The following PLCG2 variants were observed in gnomAD, a reference collection of about 807,000 sequenced individuals.
The protein encoded by PLCG2 is phospholipase C gamma 2, also known as 1-phosphatidylinositol 4,5-bisphosphate phosphodiesterase gamma-2.
PLCG2 carries 69 observed loss-of-function variants against 175.6 expected under a neutral mutation model. The ratio of observed to expected loss-of-function variants is 0.39; its 90% CI spans 0.32 to 0.48. PLCG2 has a LOEUF of 0.48. Among genes scored for constraint, PLCG2 ranks in the 20% least tolerant of loss-of-function variants. The probability of loss-of-function intolerance (pLI) is 0.91; values close to 1 mark genes in which losing one functional copy is unlikely to be tolerated. For synonymous variants in PLCG2, 827 were observed against 624.0 expected, an observed-to-expected ratio of 1.33 and a Z score of -4.85; for missense variants, 1,798 against 1,650.9, an observed-to-expected ratio of 1.09 and a Z score of -1.54.
rs149962119 is a variant in PLCG2 at position 81,905,260 on chromosome 16, C to G, written c.1363-143C>G. 23 of 639,252 alleles carry G rather than the reference C, an allele frequency of 3.6e-5. 1 individual carries two copies. In the Middle Eastern group the frequency reaches 1.0e-3, roughly 29 times the overall value. 39.6% of individuals were successfully genotyped at this position (639,252 alleles called of 1,614,324 possible). The stretch of plus-strand genomic sequence containing the variant: ...GTTCAGGGTAACCTGGAGGGCAGAG[C>G]TGAACAGACTAAGAGGGAAGCCAGG... On this transcript the variant is annotated intron_variant, in intron 14 of 32. Transcript: ENST00000564138.
intron 9 of PLCG2, among the ~76,000 whole-genome samples, chr16:81,884,531 C>T (rs2143580303): frequency 1.3e-5 from 2 of 152,272 alleles, no homozygotes; most frequent in South Asian, 4.1e-4. Context: ...GCCCCAGTTT[C>T]CCCCTCTTTA....
intron 2 of PLCG2, among the ~76,000 whole-genome samples, chr16:81,805,783 G>GTTTTTTTTTTTTTTTTTTTTTTTTTT (rs35014411): frequency 2.4e-5 from 2 of 82,930 alleles, no homozygotes; most frequent in African/African-American, 5.5e-5. Context: ...TTTTTTTTTT[G>GTTTTTTTTTTTTTTTTTTTTTTTTTT]TTTTTTTTTT....
At chr16:81,855,841 C>T (rs150782447) in intron 3 of PLCG2, among the ~76,000 whole-genome samples, 70 of 152,066 alleles carry the variant, frequency 4.6e-4, no homozygotes, top group Non-Finnish European at 7.5e-4. Flanking sequence ...AATAGCATGT[C>T]GGATGTAGGA....
chr16:81,874,585 T>A (rs1026167712), intron 7 of PLCG2, among the ~76,000 whole-genome samples: 5 of 152,082 alleles, frequency 3.3e-5, no homozygotes, highest in African/African-American at 9.7e-5. Flanking sequence ...GTTTTGTGAT[T>A]TGGGGGGAAT....
At chr16:81,900,555 G>A in intron 13 of PLCG2, 57 bp from the exon 14 acceptor site, 2 of 1,483,066 alleles carry the variant, frequency 1.3e-6, no homozygotes, top group East Asian at 4.7e-5. Context: ...CCTCTGTGGG[G>A]CAGATGCAGA....
At chr16:81,925,175 C>T (rs1910211444) in intron 22 of PLCG2, among the ~76,000 whole-genome samples, 1 of 152,210 alleles carries the variant, frequency 6.6e-6, no homozygotes, top group Non-Finnish European at 1.5e-5. Context: ...GTCAGAAGTC[C>T]CTTTGGCAAG....
intron 21 of PLCG2, among the ~76,000 whole-genome samples, chr16:81,923,126 T>C (rs1457512600): frequency 1.3e-5 from 2 of 152,138 alleles, no homozygotes; most frequent in African/African-American, 4.8e-5. Context: ...CTTTCTTTGT[T>C]GAGGAAATTG....
intron 2 of PLCG2, among the ~76,000 whole-genome samples, chr16:81,763,584 C>T (rs916018202): frequency 1.3e-5 from 2 of 152,244 alleles, no homozygotes; most frequent in Admixed American, 1.3e-4. Flanking sequence ...CTAACGTCAT[C>T]TTGGGGCTCC....
chr16:81,821,186 G>A (rs573191879), intron 2 of PLCG2, among the ~76,000 whole-genome samples: 5 of 152,218 alleles, frequency 3.3e-5, no homozygotes, highest in South Asian at 4.1e-4. Flanking sequence ...GTGAGCCGCC[G>A]TGCCTGGCCA....
At chr16:81,957,823 T>C in intron 32 of PLCG2, 133 bp from the exon 33 acceptor site, 1 of 730,256 alleles carries the variant, frequency 1.4e-6, no homozygotes, top group Admixed American at 2.3e-5. Flanking sequence ...GGAGTCTGCC[T>C]CTCTGACACT....
intron 31 of PLCG2, among the ~76,000 whole-genome samples, chr16:81,946,842 TA>T (rs1911169727): frequency 6.6e-6 from 1 of 152,194 alleles, no homozygotes. Flanking sequence ...GGTAAAACTG[TA>T]AAACCTGGGC....
At chr16:81,815,750 A>C (rs1253853380) in intron 2 of PLCG2, among the ~76,000 whole-genome samples, 1 of 152,150 alleles carries the variant, frequency 6.6e-6, no homozygotes, top group Non-Finnish European at 1.5e-5. Context: ...TGTAGGTCTT[A>C]AGTGCGCTAT....
chr16:81,760,164 C>T (rs79711416), intron 2 of PLCG2, among the ~76,000 whole-genome samples: 2,678 of 152,254 alleles, frequency 0.018, 36 homozygotes, highest in Middle Eastern at 0.034. Flanking sequence ...TATTAAAGGA[C>T]ATTAGGTGGC....
chr16:81,923,811 CAT>C (rs1910154714), intron 22 of PLCG2, among the ~76,000 whole-genome samples: 1 of 152,182 alleles, frequency 6.6e-6, no homozygotes, highest in Admixed American at 6.5e-5. Context: ...CATATCATAT[CAT>C]ATATTGTATA....
At chr16:81,870,170 C>A (rs1250555765) in intron 6 of PLCG2, among the ~76,000 whole-genome samples, 2 of 152,180 alleles carry the variant, frequency 1.3e-5, no homozygotes, top group Non-Finnish European at 2.9e-5. Context: ...ATGGGAGAAG[C>A]ATTTACCATT....
intron 2 of PLCG2, among the ~76,000 whole-genome samples, chr16:81,849,928 C>G (rs1454751026): frequency 1.3e-5 from 2 of 152,184 alleles, no homozygotes; most frequent in African/African-American, 4.8e-5. Flanking sequence ...GAATAACTAA[C>G]TTTGGAAAAC....
At chr16:81,750,635 C>T (rs1489230147) in intron 1 of PLCG2, among the ~76,000 whole-genome samples, 1 of 141,020 alleles carries the variant, frequency 7.1e-6, no homozygotes, top group African/African-American at 2.6e-5. Flanking sequence ...TACTATTCAG[C>T]ATTTAAAAAG....
chr16:81,948,491 T>A (rs1911240024), intron 31 of PLCG2, among the ~76,000 whole-genome samples: 1 of 152,036 alleles, frequency 6.6e-6, no homozygotes, highest in Admixed American at 6.6e-5. Flanking sequence ...CTGCAAGGGG[T>A]GGAGAGGCCC....
At chr16:81,756,726 G>A (rs1909936919) in intron 2 of PLCG2, among the ~76,000 whole-genome samples, 1 of 152,214 alleles carries the variant, frequency 6.6e-6, no homozygotes, top group Admixed American at 6.5e-5. Context: ...CAGATAAGGA[G>A]CTGAGAGCCC....
Sources: gnomAD v4.1 joint callset for allele counts (sites outside exome capture counted in the v4.1 genomes callset) on GRCh38, gnomAD v4.1.1 for gene constraint, MANE v1.5 for transcripts, NCBI Gene and HGNC (gene_info 2026-07-23, HGNC 2026-07-21) for gene names.